Variants in EML6 observed in about 807,000 individuals in gnomAD.
EML6 encodes the protein echinoderm microtubule-associated protein-like 6.
In EML6, 154 loss-of-function variants were observed where a neutral mutation model predicts 240.1. The ratio of observed to expected loss-of-function variants is 0.64; its 90% CI spans 0.56 to 0.73. The LOEUF (loss-of-function observed/expected upper bound fraction) is 0.73. EML6 is among the 30% of genes least tolerant of loss of function. The probability of loss-of-function intolerance (pLI) is 0.00; values close to 1 mark genes in which losing one functional copy is unlikely to be tolerated. For missense variants in EML6, 2,964 were observed against 2,474.6 expected (o/e 1.20, Z -4.20); for synonymous variants, 1,148 against 899.0 (o/e 1.28, Z -4.95).
intron 3 of EML6, among the ~76,000 whole-genome samples, chr2:54,814,581 A>G (rs184120205): frequency 2.6e-4 from 40 of 152,068 alleles, no homozygotes; most frequent in Admixed American, 3.9e-4. Context: ...AATTCCTTCA[A>G]TCTAATTTTT....
intron 19 of EML6, among the ~76,000 whole-genome samples, chr2:54,893,464 C>G (rs1026349940): frequency 2.0e-5 from 3 of 152,112 alleles, no homozygotes; most frequent in African/African-American, 7.2e-5. Flanking sequence ...TGGCATTAAT[C>G]CATTCATGAG....
rs1682864752 is a variant in EML6 at position 54,725,350 on chromosome 2, CG to C, written c.197+93del. ...GACCTGGGGTCGGATCCGGGAGCCC[CG>C]TGGAATAGAGGATTCTCTCTGGAGC... On this transcript the variant is annotated intron_variant, in intron 2 of 41. Coordinates refer to ENST00000356458, the MANE Select transcript of EML6 (RefSeq NM_001039753.4). The surrounding 1 kb of genome is among the most constrained non-coding windows in gnomAD (Gnocchi z 4.3). The C allele has an allele frequency of 9.4e-6, 9 of 959,738 alleles. 1 individual carries two copies. The South Asian group carries it at 1.9e-4, about 20-fold the overall frequency. The allele number at this position is 959,738 out of a possible 1,614,324, so 59.5% of individuals were successfully genotyped here. A position where few individuals can be genotyped will look rare whatever the true frequency, so the allele number is the denominator to read the frequency against.
intron 2 of EML6, among the ~76,000 whole-genome samples, chr2:54,786,155 G>C (rs1450828802): frequency 6.6e-6 from 1 of 152,074 alleles, no homozygotes. Flanking sequence ...CGGGGCAGTA[G>C]AGGAGGAGAT....
chr2:54,968,862 C>A (rs1163177608), intron 41 of EML6, 94 bp downstream of exon 41: 1 of 675,472 alleles, frequency 1.5e-6, no homozygotes, highest in East Asian at 2.8e-5. Flanking sequence ...CTCCCAGGGG[C>A]ATGAGGAGGG....
chr2:54,873,146 C>A (rs1049542183), intron 16 of EML6, among the ~76,000 whole-genome samples: 5 of 152,196 alleles, frequency 3.3e-5, no homozygotes, highest in Admixed American at 6.5e-5. Context: ...TTATAAACCA[C>A]GTTTGGGTGA....
chr2:54,843,922 C>T (rs896190555), intron 7 of EML6, 125 bp from the exon 8 acceptor site: 28 of 695,178 alleles, frequency 4.0e-5, no homozygotes, highest in Non-Finnish European at 6.1e-5. Context: ...AGATGTGTCA[C>T]ATTTGATGGT....
At chr2:54,844,677 C>T (rs1374906629) in intron 8 of EML6, among the ~76,000 whole-genome samples, 1 of 152,178 alleles carries the variant, frequency 6.6e-6, no homozygotes, top group Admixed American at 6.5e-5. Context: ...GTCTTTAGCA[C>T]ATGAATAAGC....
chr2:54,928,614 T>C lies in EML6; in HGVS notation c.3878-11T>C, dbSNP rs1213548109. ...ACCAACTGGCTCCCCAATCTCTTTC[T>C]GTTGTTTGAGGCTATGACAGCGATG... On this transcript the variant is annotated splice_polypyrimidine_tract_variant and intron_variant, in intron 27 of 41. Transcript: ENST00000356458. 1.9e-6 allele frequency: 3 copies of C among 1,552,010 alleles called. No homozygotes were observed. Among genetic ancestry groups the C allele is most frequent in the Non-Finnish European group, 2.6e-6 (3 of 1,147,094 alleles).
chr2:54,777,777 C>G (rs556388578), intron 2 of EML6, among the ~76,000 whole-genome samples: 2 of 152,248 alleles, frequency 1.3e-5, no homozygotes, highest in African/African-American at 2.4e-5. Flanking sequence ...TGGGTGCTTG[C>G]TCGAAAGTAC....
intron 2 of EML6, among the ~76,000 whole-genome samples, chr2:54,769,331 C>T (rs769880780): frequency 3.3e-5 from 5 of 152,184 alleles, no homozygotes; most frequent in Non-Finnish European, 7.3e-5. Flanking sequence ...TTGAGTGCTA[C>T]AGGGACAAGC....
intron 38 of EML6, among the ~76,000 whole-genome samples, 199 bp downstream of exon 38, chr2:54,964,932 TAG>T (rs1676682185): frequency 6.6e-6 from 1 of 152,138 alleles, no homozygotes; most frequent in Non-Finnish European, 1.5e-5. Flanking sequence ...GTGGAGGAAA[TAG>T]AATTTAAAAT....
At chr2:54,945,092 CCCT>C (rs1675616759) in intron 28 of EML6, among the ~76,000 whole-genome samples, 1 of 120,964 alleles carries the variant, frequency 8.3e-6, no homozygotes, top group Non-Finnish European at 1.8e-5. Flanking sequence ...CTCCCTCTCT[CCCT>C]CCTCTCCCAC....
intron 24 of EML6, among the ~76,000 whole-genome samples, chr2:54,903,759 A>G (rs947946562): frequency 6.6e-6 from 1 of 152,202 alleles, no homozygotes; most frequent in African/African-American, 2.4e-5. Flanking sequence ...TTAAAGATAC[A>G]TGATGCCTTT....
intron 2 of EML6, among the ~76,000 whole-genome samples, chr2:54,734,826 T>A (rs1683323907): frequency 6.6e-6 from 1 of 152,242 alleles, no homozygotes. Flanking sequence ...CTAACATATT[T>A]TGAAAATGAA....
intron 2 of EML6, among the ~76,000 whole-genome samples, chr2:54,786,933 G>A (rs1022398366): frequency 6.6e-6 from 1 of 152,066 alleles, no homozygotes; most frequent in South Asian, 2.1e-4. Flanking sequence ...TTTTTCTCTC[G>A]GGCTTGACTC....
intron 30 of EML6, among the ~76,000 whole-genome samples, chr2:54,951,669 G>T (rs541223251): frequency 6.6e-6 from 1 of 150,378 alleles, no homozygotes; most frequent in South Asian, 2.1e-4. Flanking sequence ...ATTTAAACAG[G>T]TTCACATTTT....
intron 3 of EML6, among the ~76,000 whole-genome samples, chr2:54,816,262 T>G (rs1440037050): frequency 6.6e-6 from 1 of 152,186 alleles, no homozygotes; most frequent in Non-Finnish European, 1.5e-5. Flanking sequence ...GGCTGGGAGG[T>G]GAAGTACCAG....
chr2:54,931,375 C>T (rs1409669873), intron 28 of EML6, among the ~76,000 whole-genome samples: 1 of 152,158 alleles, frequency 6.6e-6, no homozygotes, highest in Non-Finnish European at 1.5e-5. Context: ...AGATGTTAAA[C>T]AGCATATCTT....
At chr2:54,859,229 A>G (rs996586525) in intron 11 of EML6, among the ~76,000 whole-genome samples, 4 of 152,216 alleles carry the variant, frequency 2.6e-5, no homozygotes, top group Non-Finnish European at 5.9e-5. Context: ...AAGAATGTGT[A>G]AGATGTTCAT....
Sources: allele counts gnomAD v4.1 joint callset (sites outside exome capture counted in the v4.1 genomes callset), GRCh38; gene constraint gnomAD v4.1.1; non-coding constraint Gnocchi (gnomAD v3.1); transcripts MANE v1.5; gene names NCBI Gene and HGNC (gene_info 2026-07-23, HGNC 2026-07-21).